PSMB2: variants seen among roughly 807,000 people sequenced by gnomAD.
The protein encoded by PSMB2 is proteasome subunit beta type-2.
In PSMB2, 13 loss-of-function variants were observed where a neutral mutation model predicts 25.7. The ratio of observed to expected loss-of-function variants is 0.51; its 90% CI spans 0.33 to 0.80. The LOEUF (loss-of-function observed/expected upper bound fraction) is 0.80, where lower values mean the gene tolerates loss of function less well. Ranked by LOEUF, PSMB2 falls within the 30% of genes least tolerant of loss-of-function variation. The pLI, the probability that PSMB2 is intolerant of heterozygous loss-of-function variation, is 0.02. For synonymous variants in PSMB2, 87 were observed against 96.2 expected, an observed-to-expected ratio of 0.90 and a Z score of 0.56; for missense variants, 202 against 259.0, an observed-to-expected ratio of 0.78 and a Z score of 1.51.
intron 3 of PSMB2, among the ~76,000 whole-genome samples, chr1:35,616,544 G>GT: frequency 6.6e-6 from 1 of 152,294 alleles, no homozygotes; most frequent in South Asian, 2.1e-4. Flanking sequence ...GGGACTACAG[G>GT]TGGGTGCCTC....
chr1:35,628,601 A>ATC (rs1650971739), intron 3 of PSMB2, among the ~76,000 whole-genome samples: 2 of 24,722 alleles, frequency 8.1e-5, no homozygotes, highest in African/African-American at 2.4e-4. Flanking sequence ...AAAAAAATAT[A>ATC]TATATATATA....
intron 4 of PSMB2, among the ~76,000 whole-genome samples, chr1:35,607,956 A>G (rs1176471264): frequency 6.6e-6 from 1 of 152,238 alleles, no homozygotes; most frequent in East Asian, 1.9e-4. Flanking sequence ...AAAACACTGC[A>G]CGTTCTCACT....
chr1:35,618,450 A>G (rs1348669978), intron 3 of PSMB2, among the ~76,000 whole-genome samples: 1 of 152,156 alleles, frequency 6.6e-6, no homozygotes, highest in African/African-American at 2.4e-5. Context: ...CACATGGAAG[A>G]AAGTAAAGAA....
chr1:35,615,944 C>T (rs528440711), intron 3 of PSMB2, among the ~76,000 whole-genome samples: 9 of 152,302 alleles, frequency 5.9e-5, no homozygotes, highest in South Asian at 2.1e-4. Context: ...AGAGACTGGA[C>T]TTTGAAAGGA....
rs1650039646 is a variant in PSMB2, at chr1:35,602,696, C to A, written c.*571G>T. 6.1e-6 allele frequency: 1 copy of A among 164,278 alleles called. No individual in the cohort carries two copies. Among genetic ancestry groups the A allele is most frequent in the African/African-American group, 2.4e-5 (1 of 41,586 alleles). 10.2% of individuals were successfully genotyped at this position (164,278 alleles called of 1,614,324 possible). A position where few individuals can be genotyped will look rare whatever the true frequency, so the allele number is the denominator to read the frequency against. On this transcript the variant is annotated 3_prime_UTR_variant, in exon 6 of 6. Coordinates refer to ENST00000373237, the MANE Select transcript of PSMB2 (RefSeq NM_002794.5). Reference sequence around the variant, plus strand: ...TATTTTTAGTAGAGACGGGGTTTTACCATGTTGGTCAGGATGGTCTCGCTC... The same window carrying A: ...TATTTTTAGTAGAGACGGGGTTTTAACATGTTGGTCAGGATGGTCTCGCTC...
At chr1:35,614,715 C>T (rs1461414607) in intron 3 of PSMB2, among the ~76,000 whole-genome samples, 5 of 152,200 alleles carry the variant, frequency 3.3e-5, no homozygotes, top group Non-Finnish European at 7.3e-5. Flanking sequence ...CAATGGTCTG[C>T]AATGCAAACA....
At chr1:35,640,212 T>TA (rs1278631775) in intron 1 of PSMB2, among the ~76,000 whole-genome samples, 1 of 152,202 alleles carries the variant, frequency 6.6e-6, no homozygotes, top group Non-Finnish European at 1.5e-5. Context: ...GTTGAAAAAG[T>TA]ATTAAGCTTT....
chr1:35,634,093 G>A (rs1340516461), intron 2 of PSMB2, among the ~76,000 whole-genome samples: 1 of 152,140 alleles, frequency 6.6e-6, no homozygotes, highest in African/African-American at 2.4e-5. Flanking sequence ...GAGTTCATTA[G>A]CCCCAGAGAG....
At chr1:35,621,089 G>A (rs1426850576) in intron 3 of PSMB2, among the ~76,000 whole-genome samples, 1 of 152,058 alleles carries the variant, frequency 6.6e-6, no homozygotes, top group South Asian at 2.1e-4. Context: ...ATGAACTTAT[G>A]AGGAGGCCCA....
chr1:35,641,328 C>T lies in PSMB2; in HGVS notation c.91+14G>A. On this transcript the variant is annotated intron_variant, in intron 1 of 5. Transcript: ENST00000373237. ...CACCCCAGGCCTGGCCGGGCCTCCC[C>T]TGCTTCCTCTCACCGTCCTTCATCT... 2 of 1,614,118 alleles carry T rather than the reference C, an allele frequency of 1.2e-6. No individual in the cohort carries two copies. Among genetic ancestry groups the T allele is most frequent in the South Asian group, 2.2e-5 (2 of 91,076 alleles).
At position 35,641,499 on chromosome 1, in the gene PSMB2, G is replaced by C; in HGVS notation, c.-67C>G. 1.6e-5 allele frequency: 26 copies of C among 1,606,148 alleles called. No homozygotes were observed. The highest frequency in any genetic ancestry group is 2.1e-5 in the Non-Finnish European group (25 of 1,175,786). The stretch of plus-strand genomic sequence containing the variant: ...GACTCGCCCGCTTCCAGGTCTCACC[G>C]GTGAGACAGCACCTCAGAGCGAAGA... On this transcript the variant is annotated 5_prime_UTR_variant, in exon 1 of 6. Transcript: ENST00000373237.
At chr1:35,606,569 A>G (rs1299404942) in intron 4 of PSMB2, among the ~76,000 whole-genome samples, 2 of 152,252 alleles carry the variant, frequency 1.3e-5, no homozygotes, top group Admixed American at 1.3e-4. Context: ...GAATGGAAAT[A>G]CATCTCATGC....
At chr1:35,636,888 T>C (rs1651258600) in intron 1 of PSMB2, among the ~76,000 whole-genome samples, 1 of 152,236 alleles carries the variant, frequency 6.6e-6, no homozygotes, top group South Asian at 2.1e-4. Context: ...ATAATTTAAC[T>C]AATTATTGCT....
At chr1:35,629,687 G>A (rs112261481) in intron 3 of PSMB2, among the ~76,000 whole-genome samples, 3,057 of 152,090 alleles carry the variant, frequency 0.02, 91 homozygotes, top group East Asian at 0.058. Context: ...GTGCACACCT[G>A]TAGTCCCAGC....
chr1:35,600,019 C>T lies in PSMB2; in HGVS notation c.*3248G>A. On this transcript the variant is annotated 3_prime_UTR_variant, in exon 6 of 6. Transcript: ENST00000373237. ...GGTGCAGTGGTGCACCCCTCTAGTC[C>T]CAGCTAGTTGGGAGGCTGGGGTAAG... 1.7e-6 allele frequency: 1 copy of T among 589,600 alleles called. No homozygotes were observed. The highest frequency in any genetic ancestry group is 2.1e-6 in the Non-Finnish European group (1 of 468,646). The allele number at this position is 589,600 out of a possible 1,614,324, so 36.5% of individuals were successfully genotyped here. A position where few individuals can be genotyped will look rare whatever the true frequency, so the allele number is the denominator to read the frequency against.
At chr1:35,609,148 T>G (rs1650256923) in intron 4 of PSMB2, 98 bp downstream of exon 4, 1 of 1,235,308 alleles carries the variant, frequency 8.1e-7, no homozygotes, top group Non-Finnish European at 1.1e-6. Context: ...TCCATCCTAT[T>G]CAAGCCCTGG....
At position 35,599,893 on chromosome 1, in the gene PSMB2, C is replaced by G; in HGVS notation, c.*3374G>C. On this transcript the variant is annotated 3_prime_UTR_variant, in exon 6 of 6. Transcript: ENST00000373237. ...CACATCTGTAATCCCAGTGCTTTGG[C>G]AGACCAAGGTGGGAGGATCACTTGA... is the stretch of plus-strand genomic sequence containing the variant. 1.1e-6 allele frequency: 1 copy of G among 951,948 alleles called. No individual in the cohort carries two copies. The highest frequency in any genetic ancestry group is 1.3e-6 in the Non-Finnish European group (1 of 799,536). 59.0% of individuals were successfully genotyped at this position (951,948 alleles called of 1,614,324 possible).
chr1:35,624,086 A>G (rs775188115), intron 3 of PSMB2, among the ~76,000 whole-genome samples: 8 of 152,230 alleles, frequency 5.3e-5, no homozygotes, highest in Non-Finnish European at 7.3e-5. Flanking sequence ...AATTAAGGCC[A>G]GAGTGTGGGG....
intron 3 of PSMB2, among the ~76,000 whole-genome samples, chr1:35,612,210 C>T (rs1650362500): frequency 6.6e-6 from 1 of 151,952 alleles, no homozygotes; most frequent in Non-Finnish European, 1.5e-5. Context: ...CTGCCAAGCT[C>T]TGGAATTCTC....
Sources: allele counts gnomAD v4.1 joint callset (sites outside exome capture counted in the v4.1 genomes callset), GRCh38; gene constraint gnomAD v4.1.1; transcripts MANE v1.5; gene names NCBI Gene and HGNC (gene_info 2026-07-23, HGNC 2026-07-21).